The following CDYL variants were observed in gnomAD, a reference collection of about 807,000 sequenced individuals.
The protein encoded by CDYL is chromodomain Y-like protein.
Under a neutral mutation model 47.3 loss-of-function variants are expected in CDYL, and 8 were observed. That is an observed-to-expected ratio of 0.17 (90% CI 0.10 to 0.31). The LOEUF (loss-of-function observed/expected upper bound fraction) is 0.31. CDYL is among the 10% of genes least tolerant of loss of function. The pLI is 1.00. For missense variants in CDYL, 471 were observed against 701.4 expected (o/e 0.67, Z 3.71); for synonymous variants, 266 against 265.0 (o/e 1.00, Z -0.04).
rs1561692326 is a variant in CDYL, at chr6:4,894,883, G to GTGTA, written c.691+2507_691+2508insATGT. ...TATGTGTATATACACACATGTGTAT[G>GTGTA]TGTGTGTATATATACACACGTACGT... is the stretch of plus-strand genomic sequence containing the variant. On this transcript the variant is annotated intron_variant, in intron 2 of 6. Transcript: ENST00000397588. 6.2e-3 allele frequency among the ~76,000 whole-genome samples: 906 copies of GTGTA among 145,884 alleles called. 22 individuals are homozygous for GTGTA. The highest frequency in any genetic ancestry group is 0.024 in the African/African-American group (862 of 36,494).
intron 1 of CDYL, among the ~76,000 whole-genome samples, chr6:4,807,996 T>G (rs1759422116): frequency 6.6e-6 from 1 of 152,168 alleles, no homozygotes; most frequent in Non-Finnish European, 1.5e-5. Flanking sequence ...GTCGTAGCTT[T>G]GGTCATTGGA....
intron 2 of CDYL, among the ~76,000 whole-genome samples, chr6:4,933,739 G>A (rs952474916): frequency 5.9e-5 from 9 of 152,176 alleles, no homozygotes; most frequent in Non-Finnish European, 5.9e-5. Context: ...CCGACCCAGT[G>A]GTCTCCAGTT....
rs762353303 is a variant in CDYL at position 4,892,391 on chromosome 6, G to C, written c.691+12G>C. 6.3e-7 allele frequency: 1 copy of C among 1,591,714 alleles called. No individual in the cohort carries two copies. The highest frequency in any genetic ancestry group is 1.1e-5 in the South Asian group (1 of 87,350). ...TGTTAACGGGAAAGGTGAGTGTCTA[G>C]GGAGCTGCTCAGGCTCCGTGGTGAT... On this transcript the variant is annotated intron_variant, in intron 2 of 6. Transcript: ENST00000397588.
intron 1 of CDYL, among the ~76,000 whole-genome samples, chr6:4,872,183 C>T (rs1761494406): frequency 6.6e-6 from 1 of 152,060 alleles, no homozygotes; most frequent in African/African-American, 2.4e-5. Flanking sequence ...CTTAGTTTTT[C>T]AACACTAAGG....
At chr6:4,794,519 G>C (rs1759016569) in intron 1 of CDYL, among the ~76,000 whole-genome samples, 1 of 152,206 alleles carries the variant, frequency 6.6e-6, no homozygotes, top group South Asian at 2.1e-4. Flanking sequence ...CAGGCTCCGG[G>C]GTTTGTTTGC....
intron 1 of CDYL, among the ~76,000 whole-genome samples, chr6:4,865,069 T>G (rs998410027): frequency 1.1e-4 from 16 of 152,338 alleles, no homozygotes; most frequent in African/African-American, 3.6e-4. Flanking sequence ...GCCTCTAGTT[T>G]CAGTAAACAA....
At chr6:4,782,558 G>A (rs1394988196) in intron 1 of CDYL, among the ~76,000 whole-genome samples, 1 of 152,168 alleles carries the variant, frequency 6.6e-6, no homozygotes, top group African/African-American at 2.4e-5. Context: ...AGCTGGGCAA[G>A]GTTTTGGGGT....
rs114392539 is a variant in CDYL, at chr6:4,887,146, C to T, written c.25-4567C>T. On this transcript the variant is annotated intron_variant, in intron 1 of 6. Coordinates refer to ENST00000397588, the MANE Select transcript of CDYL (RefSeq NM_004824.4). The stretch of plus-strand genomic sequence containing the variant: ...GTTAGTGTGAGTTCTTCAACTTTTT[C>T]TTCTTTTTGAAAATTTTTTGGGCTG... Among the ~76,000 whole-genome samples, 1,149 of 152,196 alleles carry T rather than the reference C, an allele frequency of 7.5e-3. 15 individuals carry two copies. The highest frequency in any genetic ancestry group is 0.027 in the African/African-American group (1,113 of 41,550).
intron 4 of CDYL, 83 bp from the exon 5 acceptor site, chr6:4,943,463 G>T: frequency 1.0e-6 from 1 of 976,012 alleles, no homozygotes; most frequent in Non-Finnish European, 1.6e-6. Flanking sequence ...TTTACATCTT[G>T]GTAAATTGAA....
At chr6:4,734,681 G>T in intron 2 of CDYL, 1 of 1,576,078 alleles carries the variant, frequency 6.3e-7, no homozygotes, top group Non-Finnish European at 8.6e-7. Context: ...GGAAGTTGGG[G>T]GATGGGGATG....
At chr6:4,852,452 C>T (rs567040935) in intron 1 of CDYL, among the ~76,000 whole-genome samples, 1 of 117,044 alleles carries the variant, frequency 8.5e-6, no homozygotes, top group South Asian at 2.9e-4. Context: ...TCCTTCCAAT[C>T]TTCCTTCCTT....
chr6:4,782,850 T>TA (rs146526852), intron 1 of CDYL, among the ~76,000 whole-genome samples: 2,944 of 152,254 alleles, frequency 0.019, 100 homozygotes, highest in African/African-American at 0.067. Flanking sequence ...TGCCACAAAT[T>TA]ACAGTAAAAC....
At chr6:4,849,519 GTATGT>G (rs1173707747) in intron 1 of CDYL, among the ~76,000 whole-genome samples, 1 of 152,086 alleles carries the variant, frequency 6.6e-6, no homozygotes, top group African/African-American at 2.4e-5. Flanking sequence ...TAAGTCTTTT[GTATGT>G]TATGTTGCTA....
At chr6:4,837,193 T>C (rs1240977146) in intron 1 of CDYL, among the ~76,000 whole-genome samples, 1 of 152,238 alleles carries the variant, frequency 6.6e-6, no homozygotes, top group African/African-American at 2.4e-5. Flanking sequence ...TTTACTAATT[T>C]GCTTCTGTGT....
intron 1 of CDYL, among the ~76,000 whole-genome samples, chr6:4,862,063 A>T (rs1761184808): frequency 6.6e-6 from 1 of 152,046 alleles, no homozygotes; most frequent in Non-Finnish European, 1.5e-5. Context: ...AACAAAAAGA[A>T]CTGTCAGACT....
At chr6:4,892,422 A>C (rs1203070245) in intron 2 of CDYL, 43 bp downstream of exon 2, 6 of 1,539,324 alleles carry the variant, frequency 3.9e-6, no homozygotes, top group Non-Finnish European at 5.2e-6. Flanking sequence ...GTGATCCCAG[A>C]GGGCTCGGGT....
At chr6:4,937,327 C>T (rs1006776434) in intron 3 of CDYL, among the ~76,000 whole-genome samples, 4 of 151,946 alleles carry the variant, frequency 2.6e-5, no homozygotes, top group African/African-American at 7.3e-5. Flanking sequence ...AACTCCATCT[C>T]TTACAAAAAG....
intron 1 of CDYL, among the ~76,000 whole-genome samples, chr6:4,817,673 C>T (rs1353837146): frequency 9.2e-5 from 14 of 152,148 alleles, no homozygotes; most frequent in Admixed American, 3.3e-4. Context: ...GCCTAAATCT[C>T]ATAATCAATT....
intron 3 of CDYL, among the ~76,000 whole-genome samples, chr6:4,751,682 A>T (rs1278305297): frequency 6.6e-6 from 1 of 152,220 alleles, no homozygotes; most frequent in Non-Finnish European, 1.5e-5. Context: ...TTCACATGAT[A>T]AGCTGCTCCA....
Sources: allele counts gnomAD v4.1 joint callset (sites outside exome capture counted in the v4.1 genomes callset), GRCh38; gene constraint gnomAD v4.1.1; transcripts MANE v1.5; gene names NCBI Gene and HGNC (gene_info 2026-07-23, HGNC 2026-07-21).